Variants in GBP5 observed in about 807,000 individuals in gnomAD.
GBP5 encodes guanylate binding protein 5.
GBP5 carries 48 observed loss-of-function variants against 58.2 expected under a neutral mutation model. The ratio of observed to expected loss-of-function variants is 0.83; its 90% CI spans 0.65 to 1.05. The LOEUF is 1.05. Among genes scored for constraint, GBP5 ranks in the 50% least tolerant of loss-of-function variants. GBP5 has a pLI of 0.00. For missense variants in GBP5, 714 were observed against 686.8 expected (o/e 1.04, Z -0.44); for synonymous variants, 248 against 251.8 (o/e 0.98, Z 0.14).
In GBP5 at chr1:89,256,449, T is replaced by A. The variant is rs1462018745; in HGVS notation, c.*4255A>T. ...ATGTATGTACCTGGGTTGTTACTTG[T>A]GCGTTCATCTTGTAATTTATTTATA... On this transcript the variant is annotated 3_prime_UTR_variant, in exon 12 of 12. Transcript: ENST00000370459. 1.2e-4 allele frequency among the ~76,000 whole-genome samples: 18 copies of A among 152,238 alleles called. No homozygotes were observed. Among genetic ancestry groups the A allele is most frequent in the Admixed American group, 1.2e-3 (18 of 15,288 alleles).
intron 9 of GBP5, 96 bp from the exon 10 acceptor site, chr1:89,262,881 TCATAGGAGAGGCTTGC>T (rs1337376601): frequency 4.0e-6 from 3 of 750,996 alleles, no homozygotes; most frequent in Non-Finnish European, 6.4e-6. Context: ...CATCTATTCC[TCATAGGAGAGGCTTGC>T]CATAGGAGAG....
Position 89,262,900 on chromosome 1 carries a change from T to TA in GBP5, c.1363-116dup, listed in dbSNP as rs140084693. ...TATTCCTCATAGGAGAGGCTTGCCA[T>TA]AGGAGAGGCTCCATAGGAGAGGTGG... On this transcript the variant is annotated intron_variant, in intron 9 of 11. Coordinates refer to ENST00000370459, the MANE Select transcript of GBP5 (RefSeq NM_052942.5). 167 of 638,776 alleles carry TA rather than the reference T, an allele frequency of 2.6e-4. No homozygotes were observed. The African/African-American group carries it at 2.8e-3, about 11-fold the overall frequency. 39.6% of individuals were successfully genotyped at this position (638,776 alleles called of 1,614,324 possible). A position where few individuals can be genotyped will look rare whatever the true frequency, so the allele number is the denominator to read the frequency against.
chr1:89,267,489 G>A lies in GBP5; in HGVS notation c.356C>T (p.Ala119Val), dbSNP rs151022989. 3.4e-3 allele frequency: 5,536 copies of A among 1,613,888 alleles called. 11 individuals carry two copies. Among genetic ancestry groups the A allele is most frequent in the Non-Finnish European group, 4.1e-3 (4,808 of 1,179,772 alleles). Reference sequence around the variant, plus strand: ...CACAAAGGTGCTGCTCAGTAAGAGTGCCAGTGCAAAGATCTGGATATCATT... The same window carrying A: ...CACAAAGGTGCTGCTCAGTAAGAGTACCAGTGCAAAGATCTGGATATCATT... ...NKNDIQIFAL[A>V]LLLSSTFVYN... The change falls in exon 5 of 12, where the codon GCA becomes GTA. Residue 119 changes from alanine (A) to valine (V), a missense_variant. Coordinates refer to ENST00000370459, the MANE Select transcript of GBP5 (RefSeq NM_052942.5).
chr1:89,269,948 G>A (rs1046569047), intron 2 of GBP5: 1 of 154,756 alleles, frequency 6.5e-6, no homozygotes, highest in Non-Finnish European at 1.4e-5. Context: ...TCTTTATGAT[G>A]TTCTTTATTA....
Position 89,267,529 on chromosome 1 carries a change from A to C in GBP5, c.319-3T>G, listed in dbSNP as rs1299404188. ...TGGATATCATTCTTGTTGTCAGCCT[A>C]GAAGTCAGACCAAATTTAAGTCATG... is the stretch of plus-strand genomic sequence containing the variant. On this transcript the variant is annotated splice_polypyrimidine_tract_variant and splice_region_variant and intron_variant, in intron 4 of 11. Transcript: ENST00000370459. 1 of 1,605,542 alleles carries C rather than the reference A, an allele frequency of 6.2e-7. No individual in the cohort carries two copies.
intron 6 of GBP5, 84 bp downstream of exon 6, chr1:89,266,873 C>A (rs1650241597): frequency 2.2e-6 from 2 of 906,464 alleles, no homozygotes; most frequent in African/African-American, 3.5e-5. Flanking sequence ...ATATAGAAAA[C>A]CATAAATTTA....
chr1:89,262,505 GTTGTT>G, intron 10 of GBP5, 104 bp from the exon 11 acceptor site: 1 of 1,140,806 alleles, frequency 8.8e-7, no homozygotes, highest in Non-Finnish European at 1.2e-6. Context: ...ATTCCCAGGG[GTTGTT>G]TTTCCCTTCC....
chr1:89,269,513 C>G lies in GBP5; in HGVS notation c.43G>C (p.Glu15Gln), dbSNP rs542378704. The change falls in exon 3 of 12, where the codon GAG becomes CAG. Residue 15 changes from glutamate (E) to glutamine (Q), a missense_variant. Coordinates refer to ENST00000370459, the MANE Select transcript of GBP5 (RefSeq NM_052942.5). ...ACCTTCAGCTGCTCATTAAAGTTCT[C>G]GATGAGGCACATGGGGTCTGACATG... ...IHMSDPMCLI[E>Q]NFNEQLKVNQ... is the part of the protein sequence containing the mutation. The G allele has an allele frequency of 6.2e-6, 10 of 1,613,766 alleles. No homozygotes were observed. Among genetic ancestry groups the G allele is most frequent in the Non-Finnish European group, 8.5e-6 (10 of 1,179,786 alleles).
At chr1:89,261,526 A>G (rs1650004533) in intron 11 of GBP5, among the ~76,000 whole-genome samples, 1 of 152,206 alleles carries the variant, frequency 6.6e-6, no homozygotes. Flanking sequence ...TGATATTTGC[A>G]TTGATTATCT....
At position 89,264,794 on chromosome 1, in the gene GBP5, G is replaced by T. The variant is rs374866943; in HGVS notation, c.1041C>A (p.Thr347=). ...TGTGCAGGTCCAGCAGCTCCTGGAG[G>T]GTTTCCATGGGCAGCTGCACTTTCT... is the stretch of plus-strand genomic sequence containing the variant. ...MGQKVQLPME[T]LQELLDLHRT... Residue 347 remains threonine, a synonymous_variant, in exon 8 of 12, where the codon ACC becomes ACA. Transcript: ENST00000370459. 1.9e-6 allele frequency: 3 copies of T among 1,614,042 alleles called. No homozygotes were observed. Among genetic ancestry groups the T allele is most frequent in the African/African-American group, 2.7e-5 (2 of 74,922 alleles).
chr1:89,269,599 C>G lies in GBP5; in HGVS notation c.-19-25G>C, dbSNP rs368822177. The G allele has an allele frequency of 2.3e-5, 34 of 1,473,382 alleles. 3 individuals carry two copies. The highest frequency in any genetic ancestry group is 7.0e-5 in the Admixed American group (4 of 56,872). The allele number at this position is 1,473,382 out of a possible 1,614,324, so 91.3% of individuals were successfully genotyped here. ...CCTGCAAGGGAACAGATGGGATAGG[C>G]TGGAATTTCTGGTGTTTGTTTAATA... On this transcript the variant is annotated intron_variant, in intron 2 of 11. Transcript: ENST00000370459.
intron 4 of GBP5, among the ~76,000 whole-genome samples, chr1:89,268,191 C>T (rs1477443405): frequency 2.0e-5 from 3 of 152,184 alleles, no homozygotes; most frequent in Non-Finnish European, 4.4e-5. Context: ...TAGTCAAGTG[C>T]TACAAATCAT....
intron 11 of GBP5, chr1:89,261,996 A>T (rs1650020310): frequency 3.6e-6 from 2 of 555,550 alleles, no homozygotes; most frequent in South Asian, 5.0e-5. Context: ...CATAGATATC[A>T]TCACTGTGTC....
chr1:89,262,181 C>G (rs1317833452), intron 11 of GBP5, 39 bp downstream of exon 11: 2 of 1,594,648 alleles, frequency 1.3e-6, no homozygotes, highest in South Asian at 1.1e-5. Context: ...ATACTCTCAT[C>G]GTTACAGGCA....
At position 89,257,432 on chromosome 1, in the gene GBP5, T is replaced by G. The variant is rs1321019981; in HGVS notation, c.*3272A>C. On this transcript the variant is annotated 3_prime_UTR_variant, in exon 12 of 12. Coordinates refer to ENST00000370459, the MANE Select transcript of GBP5 (RefSeq NM_052942.5). Reference sequence around the variant, plus strand: ...GCCATAATTCAAGATGAGATTTGAGTGGACACAGCCAAACCGTATCACTAA... The same window carrying G: ...GCCATAATTCAAGATGAGATTTGAGGGGACACAGCCAAACCGTATCACTAA... Among the ~76,000 whole-genome samples the G allele has an allele frequency of 1.3e-5, 2 of 152,104 alleles. No individual in the cohort carries two copies. The highest frequency in any genetic ancestry group is 2.9e-5 in the Non-Finnish European group (2 of 68,036).
At chr1:89,262,105 T>C in intron 11 of GBP5, 115 bp downstream of exon 11, 1 of 991,442 alleles carries the variant, frequency 1.0e-6, no homozygotes, top group Non-Finnish European at 1.5e-6. Flanking sequence ...ACCCAGACTT[T>C]CTGGCTCCAG....
intron 9 of GBP5, 108 bp downstream of exon 9, chr1:89,263,628 G>A (rs1289504611): frequency 2.8e-6 from 2 of 720,186 alleles, no homozygotes; most frequent in Non-Finnish European, 4.9e-6. Context: ...ACTAGACAGA[G>A]ACATAAACCT....
intron 8 of GBP5, 42 bp from the exon 9 acceptor site, chr1:89,263,990 C>T (rs60370936): frequency 1.4e-5 from 16 of 1,131,370 alleles, no homozygotes; most frequent in Non-Finnish European, 2.1e-5. Context: ...GTTAGCAATA[C>T]TTCAGTATTT....
At chr1:89,262,992 C>G in intron 9 of GBP5, 1 of 407,176 alleles carries the variant, frequency 2.5e-6, no homozygotes, top group Non-Finnish European at 4.4e-6. Flanking sequence ...GCTTGTGGAA[C>G]ACCTGCTCCT....
Sources: allele counts gnomAD v4.1 joint callset (sites outside exome capture counted in the v4.1 genomes callset), GRCh38; gene constraint gnomAD v4.1.1; transcripts MANE v1.5; gene names NCBI Gene and HGNC (gene_info 2026-07-23, HGNC 2026-07-21).